IL1RAPL1: variants seen among roughly 807,000 people sequenced by gnomAD.
IL1RAPL1 encodes the protein interleukin 1 receptor accessory protein like 1.
In IL1RAPL1, 3 loss-of-function variants were observed where a neutral mutation model predicts 48.4. That is an observed-to-expected ratio of 0.06 (90% CI 0.03 to 0.16). The LOEUF (loss-of-function observed/expected upper bound fraction) is 0.16. Ranked by LOEUF, IL1RAPL1 falls within the 10% of genes least tolerant of loss-of-function variation. The pLI, the probability that IL1RAPL1 is intolerant of heterozygous loss-of-function variation, is 1.00. For synonymous variants in IL1RAPL1, 185 were observed against 187.7 expected, an observed-to-expected ratio of 0.99 and a Z score of 0.12; for missense variants, 349 against 530.6, an observed-to-expected ratio of 0.66 and a Z score of 3.36.
intron 1 of IL1RAPL1, among the ~76,000 whole-genome samples, chrX:28,660,873 G>A (rs1043892987): frequency 1.8e-5 from 2 of 112,017 alleles, no homozygotes; most frequent in Non-Finnish European, 1.9e-5. Flanking sequence ...TTTAAAAATA[G>A]TTTTGGCAAG....
intron 5 of IL1RAPL1, among the ~76,000 whole-genome samples, chrX:29,530,374 G>A (rs1194437889): frequency 9.0e-6 from 1 of 111,262 alleles, no homozygotes; most frequent in Non-Finnish European, 1.9e-5. Context: ...GAGAAAGTGA[G>A]GAGAAGGAAT....
At chrX:29,338,621 C>T (rs1245968730) in intron 3 of IL1RAPL1, among the ~76,000 whole-genome samples, 1 of 111,325 alleles carries the variant, frequency 9.0e-6, no homozygotes, top group South Asian at 3.8e-4. Flanking sequence ...TGTCATTGTC[C>T]TCAGATAAAG....
intron 6 of IL1RAPL1, among the ~76,000 whole-genome samples, chrX:29,902,688 C>T (rs780478659): frequency 9.0e-6 from 1 of 111,061 alleles, no homozygotes; most frequent in Non-Finnish European, 1.9e-5. Flanking sequence ...AGTGAGTGAG[C>T]ACTCACCATG....
At chrX:29,672,595 T>C (rs146473316) in intron 6 of IL1RAPL1, among the ~76,000 whole-genome samples, 14,069 of 111,164 alleles carry the variant, frequency 0.13, 856 homozygotes, top group African/African-American at 0.23. Context: ...CATTTTCTTC[T>C]CTTGCTCATC....
intron 6 of IL1RAPL1, among the ~76,000 whole-genome samples, chrX:29,822,287 G>A (rs1365922231): frequency 9.0e-6 from 1 of 111,703 alleles, no homozygotes; most frequent in Non-Finnish European, 1.9e-5. Context: ...CATTTAACAA[G>A]TATGTGGCAT....
At chrX:28,873,418 C>T (rs1299672797) in intron 2 of IL1RAPL1, among the ~76,000 whole-genome samples, 1 of 107,126 alleles carries the variant, frequency 9.3e-6, no homozygotes, top group Non-Finnish European at 1.9e-5. Flanking sequence ...GCCTCTGAGC[C>T]TAAGTTTATC....
At chrX:29,949,111 T>A (rs1224392931) in intron 9 of IL1RAPL1, among the ~76,000 whole-genome samples, 1 of 112,144 alleles carries the variant, frequency 8.9e-6, no homozygotes, top group Non-Finnish European at 1.9e-5. Context: ...ACATTGAGGG[T>A]ATTATCCTCT....
intron 2 of IL1RAPL1, among the ~76,000 whole-genome samples, chrX:28,917,249 G>T (rs1923510481): frequency 9.0e-6 from 1 of 111,448 alleles, no homozygotes; most frequent in Non-Finnish European, 1.9e-5. Context: ...CTTAAAAAAA[G>T]CTTCATATAA....
intron 2 of IL1RAPL1, among the ~76,000 whole-genome samples, chrX:29,131,274 G>GTATA (rs765489520): frequency 0.34 from 35,205 of 103,541 alleles, 5,934 homozygotes; most frequent in Non-Finnish European, 0.49. Flanking sequence ...GTGTGTGTGT[G>GTATA]TATATATATA....
intron 5 of IL1RAPL1, among the ~76,000 whole-genome samples, chrX:29,428,175 G>A (rs775442323): frequency 8.9e-6 from 1 of 111,739 alleles, no homozygotes; most frequent in Non-Finnish European, 1.9e-5. Flanking sequence ...AGCCTGCAAG[G>A]TTGGTGTGTG....
At chrX:29,100,555 T>G (rs1174998310) in intron 2 of IL1RAPL1, among the ~76,000 whole-genome samples, 5 of 112,080 alleles carry the variant, frequency 4.5e-5, no homozygotes, top group Non-Finnish European at 9.4e-5. Context: ...CATACTAAGT[T>G]ATATTGTAGT....
intron 1 of IL1RAPL1, among the ~76,000 whole-genome samples, chrX:28,697,172 T>C (rs1935242303): frequency 9.0e-6 from 1 of 111,438 alleles, no homozygotes; most frequent in African/African-American, 3.3e-5. Flanking sequence ...AATTTTCTCT[T>C]CTGTAAATTA....
intron 5 of IL1RAPL1, among the ~76,000 whole-genome samples, chrX:29,602,235 G>A (rs1214511352): frequency 9.1e-6 from 1 of 109,759 alleles, no homozygotes; most frequent in Non-Finnish European, 1.9e-5. Context: ...CACCTGCCTC[G>A]GCCTTCCAAA....
rs188784062 is a variant in IL1RAPL1, at chrX:29,099,357, A to T, written c.83-183581A>T. ...TATTATATTGATGTTTGGTTGATAAATCAATTATGTTTGATTATTAATAAT... is the reference window on the plus strand; with the variant it reads ...TATTATATTGATGTTTGGTTGATAATTCAATTATGTTTGATTATTAATAAT... On this transcript the variant is annotated intron_variant, in intron 2 of 10. Transcript: ENST00000378993. Among the ~76,000 whole-genome samples, 44 of 112,052 alleles carry T rather than the reference A, an allele frequency of 3.9e-4. No individual in the cohort carries two copies. The East Asian group carries it at 9.7e-3, about 25-fold the overall frequency.
intron 5 of IL1RAPL1, among the ~76,000 whole-genome samples, chrX:29,478,867 G>A (rs1246321570): frequency 9.0e-6 from 1 of 110,569 alleles, no homozygotes; most frequent in African/African-American, 3.3e-5. Context: ...CCTACTGACT[G>A]TTCCTGAAGA....
At chrX:29,415,641 G>A (rs956042930) in intron 5 of IL1RAPL1, among the ~76,000 whole-genome samples, 2 of 111,482 alleles carry the variant, frequency 1.8e-5, no homozygotes, top group Admixed American at 1.9e-4. Flanking sequence ...GGACGGTCTT[G>A]AACTCCTGAC....
chrX:28,774,123 A>C (rs1282453063), intron 1 of IL1RAPL1, among the ~76,000 whole-genome samples: 1 of 111,700 alleles, frequency 9.0e-6, no homozygotes, highest in Non-Finnish European at 1.9e-5. Flanking sequence ...ATTATGTTGT[A>C]GTTCAAGACC....
chrX:28,701,951 A>G (rs1935304561), intron 1 of IL1RAPL1, among the ~76,000 whole-genome samples: 1 of 111,910 alleles, frequency 8.9e-6, no homozygotes, highest in Non-Finnish European at 1.9e-5. Context: ...ATAAAGCAAG[A>G]CATACTTATT....
At chrX:29,184,004 T>A (rs1930200474) in intron 2 of IL1RAPL1, among the ~76,000 whole-genome samples, 1 of 112,391 alleles carries the variant, frequency 8.9e-6, no homozygotes, top group Admixed American at 9.4e-5. Context: ...CCCCTTTTTT[T>A]AAAAACAAAA....
Sources: allele counts gnomAD v4.1 joint callset (sites outside exome capture counted in the v4.1 genomes callset), GRCh38; gene constraint gnomAD v4.1.1; transcripts MANE v1.5; gene names NCBI Gene and HGNC (gene_info 2026-07-23, HGNC 2026-07-21).